Variants in MTUS1 observed in about 807,000 individuals in gnomAD.
MTUS1 encodes microtubule associated scaffold protein 1.
In MTUS1, 109 loss-of-function variants were observed where a neutral mutation model predicts 120.8. That is an observed-to-expected ratio of 0.90 (90% CI 0.77 to 1.06). MTUS1 has a LOEUF of 1.06. Ranked by LOEUF, MTUS1 falls within the 50% of genes least tolerant of loss-of-function variation. The pLI is 0.00. For missense variants in MTUS1, 2,210 were observed against 1,486.3 expected, an observed-to-expected ratio of 1.49 and a Z score of -8.01; for synonymous variants, 737 against 550.5, an observed-to-expected ratio of 1.34 and a Z score of -4.74.
chr8:17,673,893 G>C (rs1170331636), intron 8 of MTUS1, among the ~76,000 whole-genome samples: 2 of 152,204 alleles, frequency 1.3e-5, no homozygotes, highest in African/African-American at 4.8e-5. Context: ...GTTTCTCCTA[G>C]AGTTGGGTGA....
chr8:17,672,747 C>T (rs1029749518), intron 8 of MTUS1, among the ~76,000 whole-genome samples: 4 of 152,174 alleles, frequency 2.6e-5, no homozygotes, highest in African/African-American at 9.7e-5. Context: ...GGATAGGCCA[C>T]CCACTGTACC....
chr8:17,721,928 A>G (rs1188140668), intron 4 of MTUS1: 11 of 1,601,192 alleles, frequency 6.9e-6, no homozygotes, highest in South Asian at 1.1e-5. Flanking sequence ...AAGCTTAAGC[A>G]GGAAAAACTG....
chr8:17,697,854 G>A (rs421969), intron 6 of MTUS1: 93,494 of 412,106 alleles, frequency 0.23, 11,253 homozygotes, highest in East Asian at 0.45. Context: ...AAAAAAATTA[G>A]GATTTCCTGA....
rs754642711 is a variant in MTUS1 at position 17,755,339 on chromosome 8, G to T, written c.469C>A (p.Leu157Ile). The change falls in exon 2 of 15, where the codon CTA becomes ATA. Residue 157 changes from leucine (L) to isoleucine (I), a missense_variant. Leu to Ile is a conservative substitution (Grantham distance 5, BLOSUM62 2). Transcript: ENST00000693296. ...ACTGTCATGTCAAATGTTTGGTTTA[G>T]CTCCAAGGCATCACAGTAGCCTGCA... ...NCAGYCDALELNQTFDMTVDK... is the reference protein window; with the variant it reads ...NCAGYCDALEINQTFDMTVDK... 1 of 1,614,146 alleles carries T rather than the reference G, an allele frequency of 6.2e-7. No individual in the cohort carries two copies. Among genetic ancestry groups the T allele is most frequent in the South Asian group, 1.1e-5 (1 of 91,082 alleles).
chr8:17,646,348 G>A (rs886940657), intron 14 of MTUS1, among the ~76,000 whole-genome samples: 1 of 152,222 alleles, frequency 6.6e-6, no homozygotes, highest in East Asian at 1.9e-4. Context: ...GGCACCTTGG[G>A]AGGCCAAGGT....
At chr8:17,670,644 G>A (rs1252698385) in intron 8 of MTUS1, among the ~76,000 whole-genome samples, 1 of 152,124 alleles carries the variant, frequency 6.6e-6, no homozygotes, top group Non-Finnish European at 1.5e-5. Context: ...CCAATATGGT[G>A]AATCCCTGTC....
At chr8:17,700,776 C>G (rs1271359171) in intron 6 of MTUS1, among the ~76,000 whole-genome samples, 1 of 151,432 alleles carries the variant, frequency 6.6e-6, no homozygotes, top group African/African-American at 2.4e-5. Flanking sequence ...ACAAAATGAG[C>G]CGAGTTTTCA....
chr8:17,718,432 G>A (rs6981668), intron 4 of MTUS1, among the ~76,000 whole-genome samples: 66,140 of 151,974 alleles, frequency 0.44, 15,331 homozygotes, highest in Middle Eastern at 0.61. Flanking sequence ...TGAATAACAA[G>A]GGTCTGAATA....
chr8:17,659,122 G>A (rs949350793), intron 8 of MTUS1, among the ~76,000 whole-genome samples: 1 of 152,148 alleles, frequency 6.6e-6, no homozygotes, highest in Non-Finnish European at 1.5e-5. Context: ...GCACAGAGCT[G>A]GCAAGCGTGA....
At chr8:17,737,065 T>C (rs1281404449) in intron 3 of MTUS1, among the ~76,000 whole-genome samples, 3 of 152,184 alleles carry the variant, frequency 2.0e-5, no homozygotes, top group Non-Finnish European at 2.9e-5. Context: ...TTCACACATA[T>C]GTGGTTTAAT....
intron 3 of MTUS1, among the ~76,000 whole-genome samples, chr8:17,736,419 C>T (rs1586050147): frequency 6.6e-6 from 1 of 152,086 alleles, no homozygotes; most frequent in Non-Finnish European, 1.5e-5. Flanking sequence ...GGTCTCTGCA[C>T]GGCTGGTCCC....
At position 17,727,498 on chromosome 8, in the gene MTUS1, C is replaced by G. The variant is rs145388713; in HGVS notation, c.2288-3665G>C. Among the ~76,000 whole-genome samples the G allele has an allele frequency of 3.5e-3, 527 of 152,272 alleles. 4 individuals are homozygous for G. The highest frequency in any genetic ancestry group is 0.012 in the African/African-American group (509 of 41,552). Reference sequence around the variant, plus strand: ...CTACAGCGGAATGGTGAAAACCGTACGGATGCAACAAAGACATATAACTAT... The same window carrying G: ...CTACAGCGGAATGGTGAAAACCGTAGGGATGCAACAAAGACATATAACTAT... On this transcript the variant is annotated intron_variant, in intron 3 of 14. Transcript: ENST00000693296.
Position 17,676,115 on chromosome 8 carries a change from G to C in MTUS1, c.2839-863C>G, listed in dbSNP as rs1813049634. On this transcript the variant is annotated intron_variant, in intron 7 of 14. Transcript: ENST00000693296. ...CCTCACGAGGATCACCCAAGACGGA[G>C]CTCCCACCACATCCTGATCACAGCG... 3 of 604,872 alleles carry C rather than the reference G, an allele frequency of 5.0e-6. No individual in the cohort carries two copies. In the East Asian group the frequency reaches 8.3e-5, roughly 17 times the overall value. The allele number at this position is 604,872 out of a possible 1,614,324, so 37.5% of individuals were successfully genotyped here.
intron 6 of MTUS1, among the ~76,000 whole-genome samples, chr8:17,689,066 C>G (rs1816424921): frequency 6.6e-6 from 1 of 152,058 alleles, no homozygotes; most frequent in Non-Finnish European, 1.5e-5. Context: ...AAAAAGTTAG[C>G]TGGGTGTGGT....
At chr8:17,748,392 C>G (rs1328975527) in intron 2 of MTUS1, among the ~76,000 whole-genome samples, 1 of 152,136 alleles carries the variant, frequency 6.6e-6, no homozygotes, top group Non-Finnish European at 1.5e-5. Context: ...TCCATGTGAC[C>G]CAATTCTTCT....
chr8:17,674,271 T>C lies in MTUS1; in HGVS notation c.2905+915A>G, dbSNP rs1812611121. ...CCCATCTCTACTAAAAATACAAAAA[T>C]TAGCTGGGTGTGGTGGTGTGCTCCT... On this transcript the variant is annotated intron_variant, in intron 8 of 14. Transcript: ENST00000693296. 3.3e-5 allele frequency among the ~76,000 whole-genome samples: 5 copies of C among 151,920 alleles called. No homozygotes were observed. The South Asian group carries it at 1.0e-3, about 32-fold the overall frequency.
chr8:17,675,056 C>A, intron 8 of MTUS1, 130 bp downstream of exon 8: 1 of 1,507,576 alleles, frequency 6.6e-7, no homozygotes, highest in African/African-American at 1.4e-5. Context: ...AAGTGTTTGC[C>A]CAGATACTAG....
At chr8:17,741,837 A>C (rs2047340679) in intron 3 of MTUS1, among the ~76,000 whole-genome samples, 1 of 152,200 alleles carries the variant, frequency 6.6e-6, no homozygotes. Flanking sequence ...AGGGCTGTAA[A>C]AGCTGACAGG....
At chr8:17,686,082 G>C (rs1815735596) in intron 6 of MTUS1, among the ~76,000 whole-genome samples, 2 of 152,154 alleles carry the variant, frequency 1.3e-5, no homozygotes, top group Non-Finnish European at 2.9e-5. Context: ...ATTCCACAGT[G>C]TTTCGCTCAT....
Sources: allele counts gnomAD v4.1 joint callset (sites outside exome capture counted in the v4.1 genomes callset), GRCh38; gene constraint gnomAD v4.1.1; transcripts MANE v1.5; gene names NCBI Gene and HGNC (gene_info 2026-07-23, HGNC 2026-07-21).